Variants in BLTP3B observed in about 807,000 individuals in gnomAD.
The protein encoded by BLTP3B is bridge-like lipid transfer protein family member 3B.
chr12:100,075,743 C>T, the BLTP3B span, among the ~76,000 whole-genome samples: 1 of 152,162 alleles, frequency 6.6e-6, no homozygotes, highest in Non-Finnish European at 1.5e-5. Flanking sequence ...ATGCTCAATA[C>T]ACTAATCATC....
At chr12:100,071,941 T>C in the BLTP3B span, among the ~76,000 whole-genome samples, 2 of 152,348 alleles carry the variant, frequency 1.3e-5, no homozygotes, top group South Asian at 2.1e-4. Flanking sequence ...ACAAAGTAAG[T>C]TGAATATCTG....
At chr12:100,131,927 C>T in the BLTP3B span, among the ~76,000 whole-genome samples, 1 of 152,132 alleles carries the variant, frequency 6.6e-6, no homozygotes, top group African/African-American at 2.4e-5. Flanking sequence ...GTAGCTGGGA[C>T]TACAGGCATG....
At chr12:100,135,285 T>C in the BLTP3B span, among the ~76,000 whole-genome samples, 4 of 150,876 alleles carry the variant, frequency 2.7e-5, no homozygotes, top group African/African-American at 4.9e-5. Flanking sequence ...TTCTTTCTTT[T>C]TTTTTTGAGA....
At chr12:100,136,662 T>TA in the BLTP3B span, among the ~76,000 whole-genome samples, 3 of 152,232 alleles carry the variant, frequency 2.0e-5, no homozygotes, top group Non-Finnish European at 2.9e-5. Flanking sequence ...GCAGACTAAA[T>TA]AAGCTACACT....
At chr12:100,039,132 T>C in the BLTP3B span, among the ~76,000 whole-genome samples, 8 of 151,674 alleles carry the variant, frequency 5.3e-5, 1 homozygote, top group South Asian at 1.7e-3. Flanking sequence ...AGATTAAAAC[T>C]CTGCTGAACA....
the BLTP3B span, chr12:100,108,697 C>T: frequency 6.5e-6 from 4 of 618,842 alleles, no homozygotes; most frequent in Non-Finnish European, 1.1e-5. Context: ...AAATGTGGTA[C>T]ATATACACGA....
At chr12:100,059,234 A>G in the BLTP3B span, 1 of 1,614,002 alleles carries the variant, frequency 6.2e-7, no homozygotes, top group Non-Finnish European at 8.5e-7. Context: ...GAGTGTTTTT[A>G]TTCAATTGGG....
At chr12:100,058,039 A>G in the BLTP3B span, 1 of 1,564,850 alleles carries the variant, frequency 6.4e-7, no homozygotes, top group Non-Finnish European at 8.6e-7. Context: ...CTTAAAGATG[A>G]CTGTGATTTA....
At chr12:100,043,930 T>C in the BLTP3B span, among the ~76,000 whole-genome samples, 1 of 152,152 alleles carries the variant, frequency 6.6e-6, no homozygotes, top group Admixed American at 6.5e-5. Flanking sequence ...CCTCTTGGAT[T>C]CTTTTGGTCC....
chr12:100,114,175 G>C, the BLTP3B span, among the ~76,000 whole-genome samples: 332 of 152,176 alleles, frequency 2.2e-3, no homozygotes, highest in African/African-American at 7.7e-3. Flanking sequence ...ATTCTTCTCT[G>C]GGAAAAACTG....
the BLTP3B span, among the ~76,000 whole-genome samples, chr12:100,044,258 G>A: frequency 2.6e-5 from 4 of 152,096 alleles, no homozygotes; most frequent in Non-Finnish European, 5.9e-5. Flanking sequence ...TCCTATGTCT[G>A]TCTCCAGTTG....
chr12:100,062,557 G>A, the BLTP3B span, among the ~76,000 whole-genome samples: 3 of 152,012 alleles, frequency 2.0e-5, no homozygotes, highest in Admixed American at 1.3e-4. Flanking sequence ...ATCTACAGGG[G>A]TCAAGTTTAA....
the BLTP3B span, chr12:100,058,912 A>C: frequency 1.2e-5 from 19 of 1,613,862 alleles, no homozygotes; most frequent in Non-Finnish European, 1.5e-5. Flanking sequence ...GTATCTGATG[A>C]AGAAGGCTTC....
At chr12:100,139,990 T>G in the BLTP3B span, among the ~76,000 whole-genome samples, 2 of 152,196 alleles carry the variant, frequency 1.3e-5, no homozygotes, top group African/African-American at 4.8e-5. Context: ...TATTAGAAAC[T>G]AGTATGTTCA....
At chr12:100,069,167 G>A in the BLTP3B span, among the ~76,000 whole-genome samples, 16 of 152,202 alleles carry the variant, frequency 1.1e-4, no homozygotes, top group African/African-American at 2.9e-4. Flanking sequence ...AGCCTAGATC[G>A]TGCTGCTGCA....
chr12:100,040,630 G>C, the BLTP3B span, among the ~76,000 whole-genome samples: 1 of 152,166 alleles, frequency 6.6e-6, no homozygotes, highest in Non-Finnish European at 1.5e-5. Context: ...AGGTTGCAGT[G>C]AGCTGAGATC....
At chr12:100,087,035 TGTAGTCCCA>T in the BLTP3B span, among the ~76,000 whole-genome samples, 4 of 151,830 alleles carry the variant, frequency 2.6e-5, no homozygotes, top group African/African-American at 9.7e-5. Context: ...GGCACGCCCC[TGTAGTCCCA>T]GCTACTTGGG....
At chr12:100,050,757 G>A in the BLTP3B span, among the ~76,000 whole-genome samples, 1 of 151,834 alleles carries the variant, frequency 6.6e-6, no homozygotes, top group African/African-American at 2.4e-5. Context: ...GGCTGCAGTG[G>A]GCTATGGATA....
the BLTP3B span, among the ~76,000 whole-genome samples, chr12:100,134,094 G>C: frequency 6.6e-6 from 1 of 151,996 alleles, no homozygotes; most frequent in South Asian, 2.1e-4. Flanking sequence ...GCTGCCCATG[G>C]AGGAGGACTA....
Sources: gnomAD v4.1 joint callset for allele counts (sites outside exome capture counted in the v4.1 genomes callset) on GRCh38, gnomAD v4.1.1 for gene constraint, MANE v1.5 for transcripts, NCBI Gene and HGNC (gene_info 2026-07-23, HGNC 2026-07-21) for gene names.